The following TMEM117 variants were observed in gnomAD, a reference collection of about 807,000 sequenced individuals.
The protein encoded by TMEM117 is transmembrane protein 117.
TMEM117 carries 27 observed loss-of-function variants against 52.4 expected under a neutral mutation model. That is an observed-to-expected ratio of 0.51 (90% CI 0.38 to 0.71). The LOEUF (loss-of-function observed/expected upper bound fraction) is 0.71, where lower values mean the gene tolerates loss of function less well. Among genes scored for constraint, TMEM117 ranks in the 30% least tolerant of loss-of-function variants. The pLI is 0.00. For missense variants in TMEM117, 556 were observed against 630.5 expected (o/e 0.88, Z 1.26); for synonymous variants, 215 against 206.3 (o/e 1.04, Z -0.36).
intron 4 of TMEM117, among the ~76,000 whole-genome samples, chr12:44,173,511 T>G (rs776104067): frequency 7.3e-5 from 11 of 150,040 alleles, no homozygotes; most frequent in Non-Finnish European, 1.2e-4. Context: ...TCTTTTGAGT[T>G]TGGATGTGGA....
At chr12:44,237,952 A>C (rs1427009964) in intron 5 of TMEM117, among the ~76,000 whole-genome samples, 2 of 152,192 alleles carry the variant, frequency 1.3e-5, no homozygotes, top group Non-Finnish European at 2.9e-5. Flanking sequence ...ATACTCAATA[A>C]AACAGTTATA....
At chr12:43,893,255 A>T (rs989601616) in intron 2 of TMEM117, among the ~76,000 whole-genome samples, 1 of 152,216 alleles carries the variant, frequency 6.6e-6, no homozygotes, top group African/African-American at 2.4e-5. Context: ...GTCAAAAACG[A>T]ACTGTAAGAG....
intron 3 of TMEM117, chr12:44,008,912 G>C: frequency 2.5e-6 from 1 of 403,756 alleles, no homozygotes; most frequent in Non-Finnish European, 4.9e-6. Flanking sequence ...TCTTTGATGT[G>C]TCATGTAGTG....
chr12:44,247,579 C>T (rs1294901093), intron 5 of TMEM117, among the ~76,000 whole-genome samples: 1 of 152,204 alleles, frequency 6.6e-6, no homozygotes, highest in African/African-American at 2.4e-5. Context: ...GTGGTGACAA[C>T]ATTCAAAATC....
intron 6 of TMEM117, among the ~76,000 whole-genome samples, chr12:44,355,165 A>T (rs1184856422): frequency 6.6e-6 from 1 of 151,968 alleles, no homozygotes; most frequent in Non-Finnish European, 1.5e-5. Flanking sequence ...TGAAAAATGG[A>T]TTTTCCTTGT....
intron 3 of TMEM117, among the ~76,000 whole-genome samples, chr12:43,958,869 G>C (rs544360836): frequency 1.2e-4 from 18 of 152,028 alleles, no homozygotes; most frequent in South Asian, 4.2e-4. Context: ...TGCAGTGGCG[G>C]GATCTCGGCT....
Position 44,036,589 on chromosome 12 carries a change from G to A in TMEM117, c.410+92247G>A, listed in dbSNP as rs189632142. Among the ~76,000 whole-genome samples, 120 of 152,216 alleles carry A rather than the reference G, an allele frequency of 7.9e-4. 1 individual carries two copies. The East Asian group carries it at 0.012, about 16-fold the overall frequency. On this transcript the variant is annotated intron_variant, in intron 3 of 7. Coordinates refer to ENST00000266534, the MANE Select transcript of TMEM117 (RefSeq NM_032256.3). ...CACTAAGGTATTTGCTTTTATTACC[G>A]TATTCTGTTGAAGGAAAATAACATA...
intron 3 of TMEM117, among the ~76,000 whole-genome samples, chr12:44,135,675 G>T (rs1454737924): frequency 6.6e-6 from 1 of 152,060 alleles, no homozygotes; most frequent in East Asian, 1.9e-4. Flanking sequence ...AGAAGAGAAA[G>T]AAAAGAAATT....
At chr12:44,272,470 C>T (rs1302076848) in intron 5 of TMEM117, among the ~76,000 whole-genome samples, 1 of 152,156 alleles carries the variant, frequency 6.6e-6, no homozygotes, top group African/African-American at 2.4e-5. Context: ...TTGCAATCTA[C>T]TCATCTGACA....
chr12:43,805,986 C>G, the TMEM117 span: 1 of 1,538,606 alleles, frequency 6.5e-7, no homozygotes, highest in South Asian at 1.2e-5. Flanking sequence ...CTTCGCTCCC[C>G]CGAATTTCGG....
intron 3 of TMEM117, among the ~76,000 whole-genome samples, chr12:44,137,633 G>A (rs1243370671): frequency 2.0e-5 from 3 of 152,140 alleles, no homozygotes; most frequent in Admixed American, 6.5e-5. Flanking sequence ...GCAAGGAGGA[G>A]CAAGTCACAT....
chr12:43,841,368 C>A (rs948610551), intron 1 of TMEM117, among the ~76,000 whole-genome samples: 6 of 152,166 alleles, frequency 3.9e-5, no homozygotes, highest in African/African-American at 1.4e-4. Flanking sequence ...AAACAGGCAG[C>A]AACTGCTCTG....
chr12:44,133,984 A>G (rs1948452878), intron 3 of TMEM117, among the ~76,000 whole-genome samples: 1 of 152,134 alleles, frequency 6.6e-6, no homozygotes. Flanking sequence ...TGGTCTTCAG[A>G]AATGCAGCCT....
chr12:44,264,936 G>T (rs907928591), intron 5 of TMEM117, among the ~76,000 whole-genome samples: 4 of 152,084 alleles, frequency 2.6e-5, no homozygotes, highest in African/African-American at 7.2e-5. Flanking sequence ...ATTATAATTT[G>T]CCCCAAAAGT....
chr12:43,945,621 C>T (rs1189946325), intron 3 of TMEM117, among the ~76,000 whole-genome samples: 1 of 152,174 alleles, frequency 6.6e-6, no homozygotes, highest in Admixed American at 6.5e-5. Flanking sequence ...CTGCATCTGG[C>T]CTGCTCTCAG....
At chr12:43,938,904 G>A (rs4768057) in intron 2 of TMEM117, among the ~76,000 whole-genome samples, 103,072 of 151,862 alleles carry the variant, frequency 0.68, 39,040 homozygotes, top group Non-Finnish European at 0.82. Context: ...GGAGGCTGAG[G>A]CGGGAGAATC....
the TMEM117 span, among the ~76,000 whole-genome samples, chr12:43,813,249 T>TG: frequency 7.2e-6 from 1 of 138,338 alleles, no homozygotes; most frequent in East Asian, 2.0e-4. Flanking sequence ...TTTTTTTTTT[T>TG]TTTTTTTTTT....
Position 44,268,867 on chromosome 12 carries a change from G to A in TMEM117, c.609-30713G>A, listed in dbSNP as rs143401763. Among the ~76,000 whole-genome samples the A allele has an allele frequency of 2.4e-3, 364 of 152,208 alleles. 12 individuals carry two copies. The East Asian group carries it at 0.035, about 15-fold the overall frequency. On this transcript the variant is annotated intron_variant, in intron 5 of 7. Coordinates refer to ENST00000266534, the MANE Select transcript of TMEM117 (RefSeq NM_032256.3). ...AAGTATAGGGACCCCAAAAACCTCT[G>A]TTGTTTCCCTCCCAGATCACAGTTC...
At chr12:44,179,458 A>G (rs1259199503) in intron 4 of TMEM117, among the ~76,000 whole-genome samples, 1 of 152,210 alleles carries the variant, frequency 6.6e-6, no homozygotes, top group Non-Finnish European at 1.5e-5. Context: ...CTACAGTTCA[A>G]AAGGCCAAGG....
Sources: gnomAD v4.1 joint callset for allele counts (sites outside exome capture counted in the v4.1 genomes callset) on GRCh38, gnomAD v4.1.1 for gene constraint, MANE v1.5 for transcripts, NCBI Gene and HGNC (gene_info 2026-07-23, HGNC 2026-07-21) for gene names.